The following RHOT1 variants were observed in gnomAD, a reference collection of about 807,000 sequenced individuals.
RHOT1 encodes mitochondrial Rho GTPase 1.
Under a neutral mutation model 95.3 loss-of-function variants are expected in RHOT1, and 27 were observed. The ratio of observed to expected loss-of-function variants is 0.28; its 90% CI spans 0.21 to 0.39. The LOEUF (loss-of-function observed/expected upper bound fraction) is 0.39. Among genes scored for constraint, RHOT1 ranks in the 10% least tolerant of loss-of-function variants. RHOT1 has a pLI of 1.00. For missense variants in RHOT1, 578 were observed against 786.7 expected, an observed-to-expected ratio of 0.73 and a Z score of 3.17; for synonymous variants, 227 against 263.5, an observed-to-expected ratio of 0.86 and a Z score of 1.34.
At chr17:32,213,780 A>G (rs2038279912) in intron 19 of RHOT1, among the ~76,000 whole-genome samples, 1 of 152,194 alleles carries the variant, frequency 6.6e-6, no homozygotes, top group Non-Finnish European at 1.5e-5. Flanking sequence ...GTCCCTGGTG[A>G]CAATTTTATT....
At chr17:32,191,459 G>A (rs912974842) in intron 8 of RHOT1, among the ~76,000 whole-genome samples, 10 of 152,156 alleles carry the variant, frequency 6.6e-5, no homozygotes, top group African/African-American at 1.7e-4. Flanking sequence ...TCTCAAAATT[G>A]TTGATAGTGA....
rs368812240 is a variant in RHOT1 at position 32,176,264 on chromosome 17, A to C, written c.329+51A>C. The C allele has an allele frequency of 2.1e-6, 3 of 1,427,820 alleles. No homozygotes were observed. The East Asian group carries it at 6.8e-5, about 33-fold the overall frequency. 88.4% of individuals were successfully genotyped at this position (1,427,820 alleles called of 1,614,324 possible). ...TATAATTAAAAAGTTTAAAGCTTGCAGAAAAGGTACAAGAAGTAGTACATT... is the reference window on the plus strand; with the variant it reads ...TATAATTAAAAAGTTTAAAGCTTGCCGAAAAGGTACAAGAAGTAGTACATT... On this transcript the variant is annotated intron_variant, in intron 6 of 19. Coordinates refer to ENST00000545287, the MANE Select transcript of RHOT1 (RefSeq NM_001033566.3).
intron 11 of RHOT1, among the ~76,000 whole-genome samples, chr17:32,195,864 GTTTTC>G (rs957767885): frequency 2.0e-5 from 3 of 152,040 alleles, no homozygotes; most frequent in South Asian, 2.1e-4. Flanking sequence ...CTCTCATAAG[GTTTTC>G]TTTTCTGTGT....
rs2038102744 is a variant in RHOT1 at position 32,211,112 on chromosome 17, G to A, written c.1740-4G>A. ...AACTCCTGTCCTTCTGTGTGTTTTC[G>A]CAGCCATGCCCGGTTACGCTGTATG... On this transcript the variant is annotated splice_polypyrimidine_tract_variant and splice_region_variant and intron_variant, in intron 18 of 19. Transcript: ENST00000545287. 5 of 1,594,496 alleles carry A rather than the reference G, an allele frequency of 3.1e-6. No individual in the cohort carries two copies. Among genetic ancestry groups the A allele is most frequent in the Admixed American group, 1.7e-5 (1 of 59,342 alleles).
At chr17:32,167,986 A>G (rs924137832) in intron 1 of RHOT1, among the ~76,000 whole-genome samples, 6 of 152,014 alleles carry the variant, frequency 3.9e-5, no homozygotes, top group Admixed American at 2.6e-4. Flanking sequence ...GTGAGCTATG[A>G]TCATCCCACT....
At chr17:32,190,898 C>T (rs55695964) in intron 8 of RHOT1, among the ~76,000 whole-genome samples, 1,875 of 152,228 alleles carry the variant, frequency 0.012, 41 homozygotes, top group African/African-American at 0.042. Flanking sequence ...CGGGTTCAAG[C>T]GATTCTCCTG....
At chr17:32,210,646 T>A (rs945265062) in intron 18 of RHOT1, among the ~76,000 whole-genome samples, 2 of 152,198 alleles carry the variant, frequency 1.3e-5, no homozygotes, top group African/African-American at 4.8e-5. Flanking sequence ...ATTTGTATAT[T>A]TATCATTCTT....
intron 1 of RHOT1, among the ~76,000 whole-genome samples, chr17:32,165,046 AAAAC>A (rs2033926252): frequency 1.3e-5 from 2 of 151,092 alleles, no homozygotes; most frequent in African/African-American, 4.9e-5. Context: ...CAAAACAAAA[AAAAC>A]AGGGCCGGGC....
chr17:32,200,339 C>G (rs949725075), intron 13 of RHOT1, among the ~76,000 whole-genome samples: 5 of 151,962 alleles, frequency 3.3e-5, no homozygotes, highest in African/African-American at 7.3e-5. Flanking sequence ...AATATCCCCA[C>G]TCTATCTAGA....
At chr17:32,186,111 T>C (rs144055200) in intron 8 of RHOT1, among the ~76,000 whole-genome samples, 1 of 152,258 alleles carries the variant, frequency 6.6e-6, no homozygotes, top group African/African-American at 2.4e-5. Context: ...CCAGCAGCTA[T>C]TTTACACAAT....
chr17:32,189,741 T>C (rs542140234), intron 8 of RHOT1, among the ~76,000 whole-genome samples: 15 of 147,768 alleles, frequency 1.0e-4, no homozygotes, highest in South Asian at 2.1e-4. Flanking sequence ...CTTTTCTTTT[T>C]TTTTTTTTTT....
intron 6 of RHOT1, 142 bp downstream of exon 6, chr17:32,176,355 A>C (rs1202253837): frequency 1.5e-6 from 1 of 661,914 alleles, no homozygotes; most frequent in Non-Finnish European, 2.6e-6. Flanking sequence ...CTTATCTATC[A>C]GTTTTTCTGT....
chr17:32,142,859 C>A (rs1411880889), intron 1 of RHOT1, 130 bp downstream of exon 1: 3 of 836,096 alleles, frequency 3.6e-6, no homozygotes, highest in African/African-American at 3.4e-5. Flanking sequence ...CAGCTCCGCT[C>A]GCCTTTCTCC....
intron 19 of RHOT1, chr17:32,222,927 CGTT>C (rs1298749523): frequency 2.1e-6 from 2 of 972,210 alleles, no homozygotes; most frequent in African/African-American, 1.8e-5. Flanking sequence ...GGGTTGGCCT[CGTT>C]GGAGTTTTTC....
intron 6 of RHOT1, among the ~76,000 whole-genome samples, chr17:32,182,347 G>A (rs1044237992): frequency 1.3e-5 from 2 of 152,074 alleles, no homozygotes; most frequent in African/African-American, 2.4e-5. Flanking sequence ...TTTGCTGGAT[G>A]TGGTGGCTTG....
intron 14 of RHOT1, 52 bp downstream of exon 14, chr17:32,201,108 C>T (rs1363606982): frequency 9.2e-7 from 1 of 1,089,508 alleles, no homozygotes; most frequent in African/African-American, 1.6e-5. Context: ...TTTTAAGACT[C>T]CATTTTCAAA....
intron 2 of RHOT1, among the ~76,000 whole-genome samples, chr17:32,173,385 T>A (rs370419804): frequency 1.3e-5 from 2 of 152,160 alleles, no homozygotes; most frequent in African/African-American, 4.8e-5. Context: ...TTGAGTATCA[T>A]GTTAGTGCTA....
chr17:32,194,089 C>G lies in RHOT1; in HGVS notation c.851C>G (p.Pro284Arg), dbSNP rs1228450655. ...TATGATGATGACCTGGATTTGACAC[C>G]TGAATATTTGTTCCCCCTGTATGTA... is the stretch of plus-strand genomic sequence containing the variant. ...FGYDDDLDLT[P>R]EYLFPLLKIP... is the part of the protein sequence containing the mutation. Residue 284 changes from proline (P) to arginine (R), a missense_variant, in exon 11 of 20, where the codon CCT becomes CGT. Around this residue, in one of 4 missense-constraint regions of RHOT1, gnomAD observed 227 missense variants for 316.0 expected, o/e 0.72. Coordinates refer to ENST00000545287, the MANE Select transcript of RHOT1 (RefSeq NM_001033566.3). 1 of 1,613,840 alleles carries G rather than the reference C, an allele frequency of 6.2e-7. No homozygotes were observed. Among genetic ancestry groups the G allele is most frequent in the Non-Finnish European group, 8.5e-7 (1 of 1,179,968 alleles).
intron 1 of RHOT1, among the ~76,000 whole-genome samples, chr17:32,168,801 A>G (rs1200627253): frequency 1.3e-5 from 2 of 152,094 alleles, no homozygotes; most frequent in Middle Eastern, 6.4e-3. Context: ...TTATTCTCTT[A>G]AATCTGCAAC....
Sources: gnomAD v4.1 joint callset for allele counts (sites outside exome capture counted in the v4.1 genomes callset) on GRCh38, gnomAD v4.1.1 for gene constraint, gnomAD v4.1.1 regional missense constraint, MANE v1.5 for transcripts, NCBI Gene and HGNC (gene_info 2026-07-23, HGNC 2026-07-21) for gene names.